The following MRTFB variants were observed in gnomAD, a reference collection of about 807,000 sequenced individuals.
MRTFB encodes the protein myocardin related transcription factor B, also known as myocardin-related transcription factor B.
MRTFB carries 29 observed loss-of-function variants against 104.2 expected under a neutral mutation model. The ratio of observed to expected loss-of-function variants is 0.28; its 90% confidence interval spans 0.21 to 0.38. The LOEUF (loss-of-function observed/expected upper bound fraction) is 0.38, where lower values mean the gene tolerates loss of function less well. MRTFB is among the 10% of genes least tolerant of loss of function. MRTFB has a pLI of 1.00. For synonymous variants in MRTFB, 535 were observed against 519.5 expected, an observed-to-expected ratio of 1.03 and a Z score of -0.41; for missense variants, 1,270 against 1,341.6, an observed-to-expected ratio of 0.95 and a Z score of 0.83.
chr16:14,200,562 T>C, intron 3 of MRTFB: 1 of 1,605,290 alleles, frequency 6.2e-7, no homozygotes, highest in South Asian at 1.1e-5. Context: ...GTAACAATTA[T>C]CTTGTTGTCA....
rs185086577 is a variant in MRTFB at position 14,177,451 on chromosome 16, T to G, written c.155-32792T>G. On this transcript the variant is annotated intron_variant, in intron 3 of 16. Transcript: ENST00000571589. The surrounding 1 kb of genome is among the most constrained non-coding windows in gnomAD (Gnocchi z 4.7). ...TTGAGTGTTTTGGGTTTTGTTTGTT[T>G]GTTTTTTAATCTTTGTTTTTTCACC... Among the ~76,000 whole-genome samples, 866 of 152,298 alleles carry G rather than the reference T, an allele frequency of 5.7e-3. 31 individuals carry two copies. Among genetic ancestry groups the G allele is most frequent in the Non-Finnish European group, 3.8e-3 (260 of 68,018 alleles).
chr16:14,017,711 A>ATTTTTT, the MRTFB span, among the ~76,000 whole-genome samples: 5 of 33,612 alleles, frequency 1.5e-4, no homozygotes, highest in Non-Finnish European at 2.5e-4. Flanking sequence ...ATATATATAT[A>ATTTTTT]TTTTTTTTTT....
intron 3 of MRTFB, among the ~76,000 whole-genome samples, chr16:14,178,794 G>A (rs2039672475): frequency 6.6e-6 from 1 of 151,948 alleles, no homozygotes; most frequent in Non-Finnish European, 1.5e-5. Context: ...TCGTCGACAA[G>A]GCTAGGATAC....
At chr16:14,201,648 G>C (rs2040709580) in intron 3 of MRTFB, among the ~76,000 whole-genome samples, 1 of 152,120 alleles carries the variant, frequency 6.6e-6, no homozygotes, top group South Asian at 2.1e-4. Context: ...GATTGCTGCT[G>C]TTCTATTTAT....
At chr16:14,102,523 A>C (rs996487934) in intron 2 of MRTFB, among the ~76,000 whole-genome samples, 2 of 152,256 alleles carry the variant, frequency 1.3e-5, no homozygotes, top group Non-Finnish European at 2.9e-5. Context: ...GGTCATATAC[A>C]GATAAGAAGA....
At chr16:14,014,737 G>A in the MRTFB span, among the ~76,000 whole-genome samples, 229 of 152,042 alleles carry the variant, frequency 1.5e-3, 2 homozygotes, top group Non-Finnish European at 2.6e-3. Flanking sequence ...GCATGGTGGT[G>A]GGTGCCTGTA....
chr16:14,106,582 A>T (rs1255027050), intron 2 of MRTFB, among the ~76,000 whole-genome samples: 1 of 151,946 alleles, frequency 6.6e-6, no homozygotes, highest in Non-Finnish European at 1.5e-5. Flanking sequence ...TAAATGGGAG[A>T]CTCTCTGTAA....
intron 2 of MRTFB, among the ~76,000 whole-genome samples, chr16:14,103,840 G>GC: frequency 6.6e-6 from 1 of 152,154 alleles, no homozygotes; most frequent in East Asian, 1.9e-4. Flanking sequence ...TTTTAAAGAG[G>GC]CAACTGGCCT....
intron 2 of MRTFB, among the ~76,000 whole-genome samples, chr16:14,093,967 C>T (rs1328931341): frequency 1.3e-5 from 2 of 152,288 alleles, no homozygotes; most frequent in African/African-American, 4.8e-5. Flanking sequence ...TGAAATGATT[C>T]TATTTTTTAA....
the MRTFB span, among the ~76,000 whole-genome samples, chr16:14,011,045 G>A: frequency 6.6e-4 from 100 of 152,324 alleles, no homozygotes; most frequent in African/African-American, 2.3e-3. Context: ...TGGCCTGGGC[G>A]TTAGTAGGCT....
the MRTFB span, among the ~76,000 whole-genome samples, chr16:14,055,276 G>A: frequency 1.3e-5 from 2 of 152,184 alleles, no homozygotes; most frequent in Non-Finnish European, 2.9e-5. Context: ...ACTTGAACCC[G>A]GGAAGCGGAG....
chr16:14,079,888 A>G (rs1249464337), intron 2 of MRTFB, among the ~76,000 whole-genome samples: 4 of 152,134 alleles, frequency 2.6e-5, no homozygotes, highest in African/African-American at 9.7e-5. Flanking sequence ...AAATCTATCT[A>G]TGGATATAGA....
At chr16:14,117,437 T>C (rs945229266) in intron 2 of MRTFB, among the ~76,000 whole-genome samples, 1 of 152,250 alleles carries the variant, frequency 6.6e-6, no homozygotes, top group Non-Finnish European at 1.5e-5. Flanking sequence ...GCATCTATTC[T>C]TTTCCTTCAC....
chr16:14,060,955 G>T, the MRTFB span, among the ~76,000 whole-genome samples: 5 of 152,100 alleles, frequency 3.3e-5, no homozygotes, highest in African/African-American at 1.2e-4. Context: ...GACCATCCTG[G>T]CTAACACAGT....
At chr16:14,110,167 G>A (rs2142149379) in intron 2 of MRTFB, among the ~76,000 whole-genome samples, 1 of 152,342 alleles carries the variant, frequency 6.6e-6, no homozygotes, top group East Asian at 1.9e-4. Flanking sequence ...GAAGGGGCAA[G>A]GCAAGCTTAT....
At chr16:14,128,497 G>T (rs1256242645) in intron 2 of MRTFB, among the ~76,000 whole-genome samples, 2 of 152,112 alleles carry the variant, frequency 1.3e-5, no homozygotes, top group African/African-American at 4.8e-5. Flanking sequence ...CACCTACTGC[G>T]GCCTTCAGCT....
At chr16:14,015,277 C>T in the MRTFB span, among the ~76,000 whole-genome samples, 2 of 152,144 alleles carry the variant, frequency 1.3e-5, no homozygotes, top group Admixed American at 1.3e-4. Flanking sequence ...TGGGACTATC[C>T]GCTTAGAGTT....
At chr16:14,037,791 TTCAGCGGATG>T in the MRTFB span, among the ~76,000 whole-genome samples, 1 of 152,024 alleles carries the variant, frequency 6.6e-6, no homozygotes, top group Non-Finnish European at 1.5e-5. Flanking sequence ...GAACAAGGAG[TTCAGCGGATG>T]TCAGCCAGCA....
At chr16:14,165,515 C>T (rs1448817460) in intron 3 of MRTFB, among the ~76,000 whole-genome samples, 1 of 152,192 alleles carries the variant, frequency 6.6e-6, no homozygotes, top group Non-Finnish European at 1.5e-5. Flanking sequence ...ATGCGGCCGC[C>T]TTTGCCTTCT....
Sources: gnomAD v4.1 joint callset for allele counts (sites outside exome capture counted in the v4.1 genomes callset) on GRCh38, gnomAD v4.1.1 for gene constraint, Gnocchi (gnomAD v3.1) non-coding constraint, MANE v1.5 for transcripts, NCBI Gene and HGNC (gene_info 2026-07-23, HGNC 2026-07-21) for gene names.